Variants in JAK2 observed in about 807,000 individuals in gnomAD.
The protein encoded by JAK2 is Janus kinase 2.
In JAK2, 86 loss-of-function variants were observed where a neutral mutation model predicts 139.3. The ratio of observed to expected loss-of-function variants is 0.62; its 90% CI spans 0.52 to 0.74. The LOEUF (loss-of-function observed/expected upper bound fraction) is 0.74, where lower values mean the gene tolerates loss of function less well. Among genes scored for constraint, JAK2 ranks in the 30% least tolerant of loss-of-function variants. The pLI is 0.00. For missense variants in JAK2, 1,421 were observed against 1,360.3 expected (o/e 1.04, Z -0.70); for synonymous variants, 490 against 437.7 (o/e 1.12, Z -1.49).
intron 5 of JAK2, among the ~76,000 whole-genome samples, chr9:5,048,323 A>C (rs1429445252): frequency 6.6e-6 from 1 of 151,796 alleles, no homozygotes; most frequent in Non-Finnish European, 1.5e-5. Flanking sequence ...TTGTATTTTT[A>C]GTAGAGATGG....
rs772659940 is a variant in JAK2 at position 5,123,028 on chromosome 9, G to C, written c.3084G>C (p.Glu1028Asp). The change falls in exon 23 of 25, where the codon GAG becomes GAC. Residue 1028 changes from glutamate to aspartate, a missense_variant. Physicochemically the swap from Glu to Asp is conservative, Grantham distance 45. Coordinates refer to ENST00000381652, the MANE Select transcript of JAK2 (RefSeq NM_004972.4). ...IFWYAPESLT[E>D]SKFSVASDVW... is the part of the protein sequence containing the mutation. ...GGTATGCTCCAGAATCACTGACAGAGAGCAAGTTTTCTGTGGCCTCAGATG... is the reference window on the plus strand; with the variant it reads ...GGTATGCTCCAGAATCACTGACAGACAGCAAGTTTTCTGTGGCCTCAGATG... The C allele has an allele frequency of 3.1e-6, 5 of 1,610,952 alleles. No homozygotes were observed. Among genetic ancestry groups the C allele is most frequent in the Non-Finnish European group, 4.2e-6 (5 of 1,178,136 alleles).
intron 22 of JAK2, among the ~76,000 whole-genome samples, chr9:5,120,519 G>A (rs564984783): frequency 6.6e-6 from 1 of 152,214 alleles, no homozygotes; most frequent in Admixed American, 6.5e-5. Context: ...TAACAATATG[G>A]TTGACGGTAA....
chr9:5,022,106 A>C lies in JAK2; in HGVS notation c.119A>C (p.Gln40Pro). The change falls in exon 3 of 25, where the codon CAG (glutamine) becomes CCG (proline). Residue 40 changes from glutamine to proline, a missense_variant. Coordinates refer to ENST00000381652, the MANE Select transcript of JAK2 (RefSeq NM_004972.4). ...NSMKQIDPVL[Q>P]VYLYHSLGKS... ...ATGAAGCAAATAGATCCAGTTCTTC[A>C]GGTGTATCTTTACCATTCCCTTGGG... 6.2e-7 allele frequency: 1 copy of C among 1,613,868 alleles called. No individual in the cohort carries two copies. Among genetic ancestry groups the C allele is most frequent in the Non-Finnish European group, 8.5e-7 (1 of 1,179,720 alleles).
chr9:5,103,220 G>GAAA (rs1821661603), intron 22 of JAK2, among the ~76,000 whole-genome samples: 2 of 6,902 alleles, frequency 2.9e-4, no homozygotes, highest in Admixed American at 1.4e-3. Context: ...CAAAGGGAAA[G>GAAA]CAAAAAAAAA....
intron 22 of JAK2, among the ~76,000 whole-genome samples, chr9:5,119,441 G>T (rs1043311299): frequency 6.6e-6 from 1 of 151,768 alleles, no homozygotes; most frequent in East Asian, 1.9e-4. Flanking sequence ...AAAAAAAAAG[G>T]CTTCAAATTA....
chr9:5,077,301 G>C (rs562798651), intron 14 of JAK2, 152 bp from the exon 15 acceptor site: 2 of 265,464 alleles, frequency 7.5e-6, no homozygotes, highest in Non-Finnish European at 1.4e-5. Flanking sequence ...ATATAATGCT[G>C]TGTATCCATT....
At position 5,054,416 on chromosome 9, in the gene JAK2, G is replaced by A. The variant is rs574688665; in HGVS notation, c.615-147G>A. On this transcript the variant is annotated intron_variant, in intron 6 of 24. Coordinates refer to ENST00000381652, the MANE Select transcript of JAK2 (RefSeq NM_004972.4). The surrounding 1 kb of genome is among the most constrained non-coding windows in gnomAD (Gnocchi z 4.9). ...TTAAAGTTTTATACTGTATGGATGG[G>A]GGTTATGTCAACTTACGCCACTTGG... 3.3e-6 allele frequency: 2 copies of A among 604,946 alleles called. No homozygotes were observed. Among genetic ancestry groups the A allele is most frequent in the South Asian group, 2.1e-5 (1 of 46,560 alleles). 37.5% of individuals were successfully genotyped at this position (604,946 alleles called of 1,614,324 possible).
chr9:5,041,692 G>T (rs72699592), intron 4 of JAK2: 151,686 of 506,312 alleles, frequency 0.3, 23,977 homozygotes, highest in African/African-American at 0.47. Flanking sequence ...GACCGAAGCG[G>T]CTTCGTGTTC....
At chr9:4,991,453 G>A (rs1014944983) in intron 2 of JAK2, among the ~76,000 whole-genome samples, 32 of 152,254 alleles carry the variant, frequency 2.1e-4, no homozygotes, top group African/African-American at 7.5e-4. Flanking sequence ...AGGGCCATGT[G>A]ATGTGAGTAA....
At chr9:5,082,466 C>CCTAT (rs1383975974) in intron 19 of JAK2, among the ~76,000 whole-genome samples, 1 of 152,258 alleles carries the variant, frequency 6.6e-6, no homozygotes, top group African/African-American at 2.4e-5. Context: ...CAGTTTTTCT[C>CCTAT]CTATCTCAGA....
At chr9:5,032,125 C>T (rs895486034) in intron 4 of JAK2, among the ~76,000 whole-genome samples, 2 of 152,234 alleles carry the variant, frequency 1.3e-5, no homozygotes, top group African/African-American at 4.8e-5. Flanking sequence ...TCAGAGGGTC[C>T]TACGCCCACG....
At chr9:5,030,712 G>T (rs1263985034) in intron 4 of JAK2, among the ~76,000 whole-genome samples, 23 of 151,842 alleles carry the variant, frequency 1.5e-4, no homozygotes, top group Admixed American at 1.5e-3. Context: ...ATTTATTATT[G>T]TGCCTATCAC....
intron 23 of JAK2, among the ~76,000 whole-genome samples, chr9:5,123,467 C>T (rs983590570): frequency 6.6e-6 from 1 of 151,910 alleles, no homozygotes; most frequent in Non-Finnish European, 1.5e-5. Context: ...CATGTTGCTA[C>T]AAAAGACATA....
intron 14 of JAK2, 39 bp downstream of exon 14, chr9:5,073,824 G>A (rs2130557977): frequency 1.5e-6 from 2 of 1,306,496 alleles, no homozygotes; most frequent in Admixed American, 1.8e-5. Flanking sequence ...CTTTCTCAGA[G>A]CATCTGTTTT....
At position 5,126,807 on chromosome 9, in the gene JAK2, T is replaced by C. The variant is rs1300148485; in HGVS notation, c.*16T>C. The C allele has an allele frequency of 6.7e-7, 1 of 1,491,182 alleles. No individual in the cohort carries two copies. The highest frequency in any genetic ancestry group is 9.3e-7 in the Non-Finnish European group (1 of 1,072,414). The allele number at this position is 1,491,182 out of a possible 1,614,324, so 92.4% of individuals were successfully genotyped here. On this transcript the variant is annotated 3_prime_UTR_variant, in exon 25 of 25. Transcript: ENST00000381652. Reference sequence around the variant, plus strand: ...GGCTGGATGAAAGAAATGACCTTCATTCTGAGACCAAAGTAGATTTACAGA... The same window carrying C: ...GGCTGGATGAAAGAAATGACCTTCACTCTGAGACCAAAGTAGATTTACAGA...
chr9:5,117,015 T>TATA (rs1379868483), intron 22 of JAK2, among the ~76,000 whole-genome samples: 1 of 152,188 alleles, frequency 6.6e-6, no homozygotes, highest in Non-Finnish European at 1.5e-5. Flanking sequence ...TTAAGGCCCT[T>TATA]ATAAGAGGCT....
chr9:5,078,251 A>T (rs1008769218), intron 15 of JAK2, 55 bp from the exon 16 acceptor site: 1 of 1,442,936 alleles, frequency 6.9e-7, no homozygotes. Context: ...AACATACTAA[A>T]TGCTCCAGTA....
intron 2 of JAK2, among the ~76,000 whole-genome samples, chr9:5,005,524 A>G (rs1037058389): frequency 3.3e-5 from 5 of 152,140 alleles, no homozygotes; most frequent in African/African-American, 1.2e-4. Context: ...CATTTGGTCA[A>G]GATGTATTCT....
chr9:5,049,844 TTA>T (rs1817289691), intron 5 of JAK2, among the ~76,000 whole-genome samples: 1 of 152,214 alleles, frequency 6.6e-6, no homozygotes, highest in Non-Finnish European at 1.5e-5. Context: ...GGCTACAAAC[TTA>T]TATAGCATGT....
Sources: allele counts gnomAD v4.1 joint callset (sites outside exome capture counted in the v4.1 genomes callset), GRCh38; gene constraint gnomAD v4.1.1; non-coding constraint Gnocchi (gnomAD v3.1); transcripts MANE v1.5; gene names NCBI Gene and HGNC (gene_info 2026-07-23, HGNC 2026-07-21).